The following OPCML variants were observed in gnomAD, a reference collection of about 807,000 sequenced individuals.
OPCML encodes the protein opioid-binding protein/cell adhesion molecule.
Under a neutral mutation model 37.8 loss-of-function variants are expected in OPCML, and 13 were observed. The observed-to-expected ratio is 0.34, with a 90% CI of 0.22 to 0.55. OPCML has a LOEUF of 0.55. OPCML is among the 20% of genes least tolerant of loss of function. The pLI, the probability that OPCML is intolerant of heterozygous loss-of-function variation, is 0.91. For synonymous variants in OPCML, 176 were observed against 168.8 expected, an observed-to-expected ratio of 1.04 and a Z score of -0.33; for missense variants, 341 against 435.6, an observed-to-expected ratio of 0.78 and a Z score of 1.93.
intron 1 of OPCML, among the ~76,000 whole-genome samples, chr11:133,278,965 C>T (rs1182559234): frequency 7.9e-5 from 12 of 152,152 alleles, no homozygotes; most frequent in Admixed American, 5.2e-4. Flanking sequence ...AATTACATCC[C>T]GAGCATGTTC....
rs1488146030 is a variant in OPCML, at chr11:133,206,906, T to A, written c.62-263896A>T. 6.6e-6 allele frequency among the ~76,000 whole-genome samples: 1 copy of A among 152,110 alleles called. No homozygotes were observed. Among genetic ancestry groups the A allele is most frequent in the Non-Finnish European group, 1.5e-5 (1 of 68,030 alleles). On this transcript the variant is annotated intron_variant, in intron 1 of 7. Coordinates refer to ENST00000524381, the MANE Select transcript of OPCML (RefSeq NM_001012393.5). The surrounding 1 kb of genome is among the most constrained non-coding windows in gnomAD (Gnocchi z 4.7). Reference sequence around the variant, plus strand: ...GGTGGAGGGAGCCTGGGATCACCAATGACTGAGAAGCGAGGCCCGGATCAC... The same window carrying A: ...GGTGGAGGGAGCCTGGGATCACCAAAGACTGAGAAGCGAGGCCCGGATCAC...
chr11:132,439,149 C>G (rs1344948259), intron 4 of OPCML, among the ~76,000 whole-genome samples: 1 of 152,050 alleles, frequency 6.6e-6, no homozygotes, highest in East Asian at 1.9e-4. Context: ...CAAAATGTAC[C>G]CATAGATGTG....
At chr11:132,794,676 A>G (rs1938185496) in intron 2 of OPCML, among the ~76,000 whole-genome samples, 2 of 152,286 alleles carry the variant, frequency 1.3e-5, no homozygotes, top group South Asian at 4.1e-4. Flanking sequence ...GAACCCCTGC[A>G]AATAACCACC....
intron 1 of OPCML, among the ~76,000 whole-genome samples, chr11:133,427,820 A>G (rs1228762172): frequency 2.0e-5 from 3 of 152,200 alleles, no homozygotes; most frequent in Admixed American, 1.3e-4. Flanking sequence ...AGTTTTTAAC[A>G]ATAAATTCTG....
intron 1 of OPCML, among the ~76,000 whole-genome samples, chr11:133,102,777 A>G (rs572114056): frequency 6.6e-6 from 1 of 151,748 alleles, no homozygotes; most frequent in East Asian, 1.9e-4. Context: ...ACAAAAACAA[A>G]CAACAACAAC....
chr11:133,061,078 C>G (rs1045083744), intron 1 of OPCML, among the ~76,000 whole-genome samples: 3 of 152,182 alleles, frequency 2.0e-5, no homozygotes, highest in Non-Finnish European at 4.4e-5. Context: ...GTTGCTCAGG[C>G]TGGTCTTGAA....
rs532634546 is a variant in OPCML, at chr11:132,739,421, T to C, written c.147-82102A>G. On this transcript the variant is annotated intron_variant, in intron 2 of 7. Transcript: ENST00000524381. ...ACCTAAGTGGGTAGAAGAAAAAGTT[T>C]TTTTCCTCCCTAACTAGTATTCTGG... Among the ~76,000 whole-genome samples, 273 of 152,298 alleles carry C rather than the reference T, an allele frequency of 1.8e-3. 1 individual carries two copies. Among genetic ancestry groups the C allele is most frequent in the African/African-American group, 6.2e-3 (257 of 41,570 alleles).
chr11:132,468,819 C>T (rs1029030232), intron 4 of OPCML, among the ~76,000 whole-genome samples: 2 of 152,142 alleles, frequency 1.3e-5, no homozygotes, highest in East Asian at 1.9e-4. Context: ...TTATGGTAAA[C>T]GCTGGTGGAT....
intron 1 of OPCML, among the ~76,000 whole-genome samples, chr11:133,081,886 C>T (rs1026064424): frequency 1.3e-5 from 2 of 152,080 alleles, no homozygotes; most frequent in African/African-American, 4.8e-5. Flanking sequence ...AGCCTTCAGC[C>T]GCCAGCGTGT....
intron 1 of OPCML, among the ~76,000 whole-genome samples, chr11:133,490,507 G>A (rs1191847418): frequency 6.6e-6 from 1 of 152,180 alleles, no homozygotes; most frequent in Non-Finnish European, 1.5e-5. Flanking sequence ...CGAGGGTCAG[G>A]AGTGAGCTAC....
intron 1 of OPCML, among the ~76,000 whole-genome samples, chr11:133,255,979 A>C (rs1051810728): frequency 6.6e-6 from 1 of 152,208 alleles, no homozygotes; most frequent in Non-Finnish European, 1.5e-5. Flanking sequence ...TGTTGTATGT[A>C]TAACCTAATT....
chr11:133,270,080 G>A (rs954377990), intron 1 of OPCML, among the ~76,000 whole-genome samples: 4 of 152,162 alleles, frequency 2.6e-5, no homozygotes. Flanking sequence ...TATTCATGTG[G>A]AGGTGCTAAG....
intron 2 of OPCML, among the ~76,000 whole-genome samples, chr11:132,927,806 G>A (rs1349763988): frequency 6.6e-6 from 1 of 151,914 alleles, no homozygotes; most frequent in Non-Finnish European, 1.5e-5. Flanking sequence ...AATAATTTGT[G>A]ACATCAGTAA....
chr11:133,020,045 A>T (rs1049562449), intron 1 of OPCML, among the ~76,000 whole-genome samples: 3 of 151,976 alleles, frequency 2.0e-5, no homozygotes, highest in African/African-American at 7.3e-5. Flanking sequence ...TTGAATATTC[A>T]CCTCCAGGGG....
chr11:132,805,665 A>G (rs1295026216), intron 2 of OPCML, among the ~76,000 whole-genome samples: 1 of 152,202 alleles, frequency 6.6e-6, no homozygotes, highest in African/African-American at 2.4e-5. Context: ...CAGAAATTCT[A>G]CAGCCAGCAA....
intron 2 of OPCML, chr11:132,771,598 C>T (rs1370463383): frequency 1.3e-5 from 2 of 152,228 alleles, no homozygotes; most frequent in African/African-American, 4.8e-5. Context: ...AGGAAGTCTG[C>T]ATGGCACGGT....
chr11:132,771,810 G>A (rs1946643983), intron 2 of OPCML: 1 of 152,218 alleles, frequency 6.6e-6, no homozygotes, highest in African/African-American at 2.4e-5. Context: ...TCTCTTCAAG[G>A]TGACTCTTCA....
chr11:132,906,584 A>G (rs554067049), intron 2 of OPCML, among the ~76,000 whole-genome samples: 566 of 152,322 alleles, frequency 3.7e-3, no homozygotes, highest in African/African-American at 0.012. Context: ...CTTCACAGGA[A>G]GCAGCTAGTT....
intron 7 of OPCML, among the ~76,000 whole-genome samples, chr11:132,432,696 GT>G (rs1377738658): frequency 6.6e-6 from 1 of 152,120 alleles, no homozygotes; most frequent in Non-Finnish European, 1.5e-5. Flanking sequence ...GTAGAACCTT[GT>G]ATTAGGTCCT....
Sources: allele counts gnomAD v4.1 joint callset (sites outside exome capture counted in the v4.1 genomes callset), GRCh38; gene constraint gnomAD v4.1.1; non-coding constraint Gnocchi (gnomAD v3.1); transcripts MANE v1.5; gene names NCBI Gene and HGNC (gene_info 2026-07-23, HGNC 2026-07-21).